The following HACD2 variants were observed in gnomAD, a reference collection of about 807,000 sequenced individuals.
The protein encoded by HACD2 is very-long-chain (3R)-3-hydroxyacyl-CoA dehydratase 2.
In HACD2, 15 loss-of-function variants were observed where a neutral mutation model predicts 31.0. That is an observed-to-expected ratio of 0.48 (90% confidence interval 0.32 to 0.75). The LOEUF (loss-of-function observed/expected upper bound fraction) is 0.75, where lower values mean the gene tolerates loss of function less well. Ranked by LOEUF, HACD2 falls within the 30% of genes least tolerant of loss-of-function variation. HACD2 has a pLI of 0.03. For synonymous variants in HACD2, 115 were observed against 122.2 expected, an observed-to-expected ratio of 0.94 and a Z score of 0.39; for missense variants, 283 against 313.0, an observed-to-expected ratio of 0.90 and a Z score of 0.72.
chr3:123,537,405 A>C (rs2056438940), intron 3 of HACD2, among the ~76,000 whole-genome samples: 1 of 152,082 alleles, frequency 6.6e-6, no homozygotes, highest in African/African-American at 2.4e-5. Context: ...CATCTACAAA[A>C]ATTTTTTTAA....
intron 3 of HACD2, among the ~76,000 whole-genome samples, chr3:123,553,224 T>C (rs2056638602): frequency 6.6e-6 from 1 of 152,048 alleles, no homozygotes. Context: ...GAGAAAGATC[T>C]CAGAGTTTTA....
At chr3:123,562,754 G>A (rs1373883402) in intron 3 of HACD2, among the ~76,000 whole-genome samples, 2 of 152,188 alleles carry the variant, frequency 1.3e-5, no homozygotes, top group Non-Finnish European at 2.9e-5. Flanking sequence ...AGTAACCCTA[G>A]TCTGACTCAG....
chr3:123,506,863 GTTTT>G (rs1448558228), intron 4 of HACD2, among the ~76,000 whole-genome samples: 2 of 152,166 alleles, frequency 1.3e-5, no homozygotes, highest in African/African-American at 4.8e-5. Context: ...CTCAGGAGGG[GTTTT>G]TTGAGGGGCA....
At chr3:123,511,618 G>A (rs9856148) in intron 4 of HACD2, among the ~76,000 whole-genome samples, 4,576 of 152,164 alleles carry the variant, frequency 0.03, 76 homozygotes, top group Middle Eastern at 0.088. Flanking sequence ...AAAACTACAG[G>A]TCACTAGCAC....
chr3:123,494,311 C>G lies in HACD2; in HGVS notation c.*577G>C, dbSNP rs1172630780. On this transcript the variant is annotated 3_prime_UTR_variant, in exon 7 of 7. Transcript: ENST00000383657. ...TTGTTTTCTGATTACAGGCACTACC[C>G]CGAAGCTTCATAGACATATACATTT... 6.5e-6 allele frequency: 1 copy of G among 152,836 alleles called. No individual in the cohort carries two copies. Among genetic ancestry groups the G allele is most frequent in the Non-Finnish European group, 1.5e-5 (1 of 68,594 alleles). 9.5% of individuals were successfully genotyped at this position (152,836 alleles called of 1,614,324 possible). A position where few individuals can be genotyped will look rare whatever the true frequency, so the allele number is the denominator to read the frequency against.
chr3:123,495,262 C>T (rs2055818701), intron 6 of HACD2, among the ~76,000 whole-genome samples: 2 of 152,208 alleles, frequency 1.3e-5, no homozygotes, highest in South Asian at 4.1e-4. Flanking sequence ...ATTCTGTACG[C>T]TCATTCATGT....
At chr3:123,557,944 T>A (rs1018198833) in intron 3 of HACD2, among the ~76,000 whole-genome samples, 2 of 152,248 alleles carry the variant, frequency 1.3e-5, no homozygotes, top group African/African-American at 4.8e-5. Flanking sequence ...TCCAAAGGAT[T>A]TGAAAACTTG....
At chr3:123,582,159 GT>G (rs1323444370) in intron 2 of HACD2, 52 bp downstream of exon 2, 3 of 1,246,706 alleles carry the variant, frequency 2.4e-6, no homozygotes, top group Admixed American at 2.8e-5. Context: ...TTAGTTGCAT[GT>G]TTTTCTTCAT....
chr3:123,564,287 T>C (rs938624986), intron 3 of HACD2, among the ~76,000 whole-genome samples: 1 of 152,148 alleles, frequency 6.6e-6, no homozygotes, highest in African/African-American at 2.4e-5. Context: ...AAGGTATGCA[T>C]ATCTCATGCC....
chr3:123,514,989 A>G (rs1269288142), intron 4 of HACD2, among the ~76,000 whole-genome samples: 1 of 152,254 alleles, frequency 6.6e-6, no homozygotes, highest in African/African-American at 2.4e-5. Flanking sequence ...ACAGTTATAC[A>G]GAAATTTGTC....
chr3:123,583,316 C>G (rs139214081), intron 1 of HACD2, among the ~76,000 whole-genome samples: 1 of 152,172 alleles, frequency 6.6e-6, no homozygotes. Context: ...AGACTTCTTT[C>G]TTCTTACCAA....
intron 4 of HACD2, among the ~76,000 whole-genome samples, chr3:123,513,506 G>T (rs2056089915): frequency 6.6e-6 from 1 of 152,194 alleles, no homozygotes. Flanking sequence ...GCTTGAATTG[G>T]TTATCAGGGA....
chr3:123,529,747 A>C (rs1261264443), intron 3 of HACD2, among the ~76,000 whole-genome samples: 1 of 152,132 alleles, frequency 6.6e-6, no homozygotes, highest in Non-Finnish European at 1.5e-5. Context: ...AGTAAAAGTA[A>C]ATAAATACAT....
intron 3 of HACD2, among the ~76,000 whole-genome samples, chr3:123,549,657 A>T (rs1438243139): frequency 6.6e-6 from 1 of 152,110 alleles, no homozygotes; most frequent in African/African-American, 2.4e-5. Context: ...CTGAGGTGGA[A>T]AGATTGCTTG....
chr3:123,582,352 T>A, intron 1 of HACD2, 23 bp from the exon 2 acceptor site: 1 of 1,481,612 alleles, frequency 6.7e-7, no homozygotes, highest in Non-Finnish European at 9.1e-7. Flanking sequence ...AAAACAGCAA[T>A]CAGGAAAAAA....
At chr3:123,579,005 T>G (rs1179636860) in intron 2 of HACD2, among the ~76,000 whole-genome samples, 2 of 152,218 alleles carry the variant, frequency 1.3e-5, no homozygotes, top group Non-Finnish European at 2.9e-5. Context: ...CTTTGCAACG[T>G]TAATTGCCTG....
chr3:123,502,779 C>A, intron 4 of HACD2, 98 bp from the exon 5 acceptor site: 1 of 1,272,180 alleles, frequency 7.9e-7, no homozygotes, highest in South Asian at 1.4e-5. Flanking sequence ...GTCGGCACAG[C>A]CGCTGGTCTC....
chr3:123,533,078 A>G (rs544568115), intron 3 of HACD2, among the ~76,000 whole-genome samples: 1 of 152,302 alleles, frequency 6.6e-6, no homozygotes, highest in African/African-American at 2.4e-5. Flanking sequence ...GAAGCATACT[A>G]TAGTGTGATA....
chr3:123,583,008 C>T (rs777689806), intron 1 of HACD2, among the ~76,000 whole-genome samples: 8 of 152,068 alleles, frequency 5.3e-5, no homozygotes, highest in Non-Finnish European at 1.2e-4. Context: ...TGTTAAGTTC[C>T]ATAATAAAAC....
Sources: gnomAD v4.1 joint callset for allele counts (sites outside exome capture counted in the v4.1 genomes callset) on GRCh38, gnomAD v4.1.1 for gene constraint, MANE v1.5 for transcripts, NCBI Gene and HGNC (gene_info 2026-07-23, HGNC 2026-07-21) for gene names.